The following PPARA variants were observed in gnomAD, a reference collection of about 807,000 sequenced individuals.
PPARA encodes peroxisome proliferator-activated receptor alpha.
A neutral mutation model predicts 42.2 loss-of-function variants in PPARA; 22 were observed. The observed-to-expected ratio is 0.52, with a 90% CI of 0.37 to 0.74. The LOEUF is 0.74. PPARA is among the 30% of genes least tolerant of loss of function. The probability of loss-of-function intolerance (pLI) is 0.00; values close to 1 mark genes in which losing one functional copy is unlikely to be tolerated. For synonymous variants in PPARA, 242 were observed against 239.3 expected, an observed-to-expected ratio of 1.01 and a Z score of -0.10; for missense variants, 465 against 608.2, an observed-to-expected ratio of 0.76 and a Z score of 2.48.
Position 46,221,734 on chromosome 22 carries a change from G to A in PPARA, c.711+1720G>A, listed in dbSNP as rs917158823. ...GAATGGCGTGAACCCAGGAGGCAGA[G>A]CTTGCAGTGAGCCGAGATCGTGCCA... On this transcript the variant is annotated intron_variant, in intron 7 of 8. Coordinates refer to ENST00000407236, the MANE Select transcript of PPARA (RefSeq NM_005036.6). This position sits in a 1 kb window ranked among gnomAD's most constrained non-coding sequence, Gnocchi z 5.9. 1.3e-5 allele frequency among the ~76,000 whole-genome samples: 2 copies of A among 152,106 alleles called. No homozygotes were observed. Among genetic ancestry groups the A allele is most frequent in the Admixed American group, 6.6e-5 (1 of 15,266 alleles).
intron 2 of PPARA, among the ~76,000 whole-genome samples, chr22:46,169,750 A>G (rs1290808477): frequency 6.6e-6 from 1 of 152,086 alleles, no homozygotes; most frequent in Non-Finnish European, 1.5e-5. Flanking sequence ...TATGTTATTA[A>G]GAGAGCTTAA....
In PPARA at chr22:46,219,026, G is replaced by A. The variant is rs1601787397; in HGVS notation, c.508+625G>A. Reference sequence around the variant, plus strand: ...AAAATACAAAAATTAGCTGGGCATGGTAGTGCACACCTGTAATCCCAGCTA... The same window carrying A: ...AAAATACAAAAATTAGCTGGGCATGATAGTGCACACCTGTAATCCCAGCTA... On this transcript the variant is annotated intron_variant, in intron 6 of 8. Transcript: ENST00000407236. This position sits in a 1 kb window ranked among gnomAD's most constrained non-coding sequence, Gnocchi z 4.8. Among the ~76,000 whole-genome samples the A allele has an allele frequency of 6.6e-6, 1 of 150,600 alleles. No individual in the cohort carries two copies. The highest frequency in any genetic ancestry group is 2.4e-5 in the African/African-American group (1 of 40,930).
rs143601029 is a variant in PPARA at position 46,192,441 on chromosome 22, G to A, written c.-42-5901G>A. On this transcript the variant is annotated intron_variant, in intron 3 of 8. Coordinates refer to ENST00000407236, the MANE Select transcript of PPARA (RefSeq NM_005036.6). This position sits in a 1 kb window ranked among gnomAD's most constrained non-coding sequence, Gnocchi z 4.3. ...CAGTGTTTGCACCTGCCCTGTGCTC[G>A]GGTAACATAAAACAGTGATATAATT... is the stretch of plus-strand genomic sequence containing the variant. Among the ~76,000 whole-genome samples, 1,088 of 152,264 alleles carry A rather than the reference G, an allele frequency of 7.1e-3. 17 individuals carry two copies. The highest frequency in any genetic ancestry group is 0.025 in the African/African-American group (1,052 of 41,524).
At chr22:46,174,234 G>T (rs1928602235) in intron 2 of PPARA, among the ~76,000 whole-genome samples, 1 of 2,056 alleles carries the variant, frequency 4.9e-4, no homozygotes, top group South Asian at 0.021. Context: ...AAGAAAGAGA[G>T]AGAGAAAGAA....
rs1448227319 is a variant in PPARA at position 46,165,413 on chromosome 22, G to A, written c.-126-11340G>A. The A allele has an allele frequency of 6.6e-6, 1 of 152,236 alleles. No individual in the cohort carries two copies. Among genetic ancestry groups the A allele is most frequent in the African/African-American group, 2.4e-5 (1 of 41,468 alleles). The allele number at this position is 152,236 out of a possible 1,614,324, so 9.4% of individuals were successfully genotyped here. On this transcript the variant is annotated intron_variant, in intron 2 of 8. Coordinates refer to ENST00000407236, the MANE Select transcript of PPARA (RefSeq NM_005036.6). The surrounding 1 kb of genome is among the most constrained non-coding windows in gnomAD (Gnocchi z 5.5). ...AGGTGGACAGAATCTTTAAACATAT[G>A]TGGAGGAATTGGAGAGTTTACAAGA...
chr22:46,198,692 G>T (rs552336758), intron 4 of PPARA, 101 bp downstream of exon 4: 9 of 1,186,378 alleles, frequency 7.6e-6, no homozygotes, highest in African/African-American at 3.6e-5. Flanking sequence ...ACGGAGTCTC[G>T]CTCTGTCGCC....
At chr22:46,186,818 A>G (rs1010170433) in intron 3 of PPARA, among the ~76,000 whole-genome samples, 1 of 152,120 alleles carries the variant, frequency 6.6e-6, no homozygotes, top group Non-Finnish European at 1.5e-5. Context: ...CCCACAGTGG[A>G]TACCTGAAGC....
Position 46,212,593 on chromosome 22 carries a change from A to G in PPARA, c.209-2580A>G, listed in dbSNP as rs1162736924. On this transcript the variant is annotated intron_variant, in intron 4 of 8. Coordinates refer to ENST00000407236, the MANE Select transcript of PPARA (RefSeq NM_005036.6). This position sits in a 1 kb window ranked among gnomAD's most constrained non-coding sequence, Gnocchi z 4.2. Reference sequence around the variant, plus strand: ...GTCATCCATGTCTTTCCATGGCTTGATATCTCATTTCTTTTTACACTGAAT... The same window carrying G: ...GTCATCCATGTCTTTCCATGGCTTGGTATCTCATTTCTTTTTACACTGAAT... Among the ~76,000 whole-genome samples, 3 of 152,136 alleles carry G rather than the reference A, an allele frequency of 2.0e-5. No individual in the cohort carries two copies. Among genetic ancestry groups the G allele is most frequent in the African/African-American group, 7.2e-5 (3 of 41,422 alleles).
At position 46,184,521 on chromosome 22, in the gene PPARA, T is replaced by A. The variant is rs1373247977; in HGVS notation, c.-43+7685T>A. ...CAGTTTCCTCCCATATTTAGAAGGT[T>A]TCCAACTGTTATCTTTCACTTCCCA... is the stretch of plus-strand genomic sequence containing the variant. On this transcript the variant is annotated intron_variant, in intron 3 of 8. Coordinates refer to ENST00000407236, the MANE Select transcript of PPARA (RefSeq NM_005036.6). This position sits in a 1 kb window ranked among gnomAD's most constrained non-coding sequence, Gnocchi z 4.4. 4.6e-5 allele frequency among the ~76,000 whole-genome samples: 7 copies of A among 152,170 alleles called. No homozygotes were observed. Among genetic ancestry groups the A allele is most frequent in the Admixed American group, 4.6e-4 (7 of 15,274 alleles).
chr22:46,206,444 A>G (rs1933318420), intron 4 of PPARA, among the ~76,000 whole-genome samples: 1 of 152,022 alleles, frequency 6.6e-6, no homozygotes, highest in Non-Finnish European at 1.5e-5. Flanking sequence ...ATTCCACTTT[A>G]TCTCCTTTGT....
In PPARA at chr22:46,173,238, A is replaced by G. The variant is rs1210234558; in HGVS notation, c.-126-3515A>G. Among the ~76,000 whole-genome samples the G allele has an allele frequency of 2.0e-5, 3 of 152,174 alleles. No individual in the cohort carries two copies. The highest frequency in any genetic ancestry group is 6.5e-5 in the Admixed American group (1 of 15,286). On this transcript the variant is annotated intron_variant, in intron 2 of 8. Coordinates refer to ENST00000407236, the MANE Select transcript of PPARA (RefSeq NM_005036.6). The surrounding 1 kb of genome is among the most constrained non-coding windows in gnomAD (Gnocchi z 4.3). ...TTATTTGGGGATTTACAAAACAGTT[A>G]TGTTTTTAGTTTTCTTTTATTTGTT... is the stretch of plus-strand genomic sequence containing the variant.
Position 46,235,407 on chromosome 22 carries a change from C to G in PPARA, c.*27C>G. ...TTCCTTCAGATCAGCCACACCTTTT[C>G]CAGGAGTTCTGAAGCTGACAGCACT... is the stretch of plus-strand genomic sequence containing the variant. On this transcript the variant is annotated 3_prime_UTR_variant, in exon 9 of 9. Coordinates refer to ENST00000407236, the MANE Select transcript of PPARA (RefSeq NM_005036.6). This position sits in a 1 kb window ranked among gnomAD's most constrained non-coding sequence, Gnocchi z 7.0. 1 of 1,611,018 alleles carries G rather than the reference C, an allele frequency of 6.2e-7. No individual in the cohort carries two copies. The highest frequency in any genetic ancestry group is 8.5e-7 in the Non-Finnish European group (1 of 1,179,116).
At position 46,221,388 on chromosome 22, in the gene PPARA, C is replaced by T. The variant is rs925639200; in HGVS notation, c.711+1374C>T. Among the ~76,000 whole-genome samples the T allele has an allele frequency of 5.3e-5, 8 of 152,202 alleles. No individual in the cohort carries two copies. The highest frequency in any genetic ancestry group is 3.3e-4 in the Admixed American group (5 of 15,276). On this transcript the variant is annotated intron_variant, in intron 7 of 8. Coordinates refer to ENST00000407236, the MANE Select transcript of PPARA (RefSeq NM_005036.6). This position sits in a 1 kb window ranked among gnomAD's most constrained non-coding sequence, Gnocchi z 5.9. ...CTAGAAAAGGAAACCACTTACTTCCCACTCAAAATGTGCTCTTGGTCCTTT... is the reference window on the plus strand; with the variant it reads ...CTAGAAAAGGAAACCACTTACTTCCTACTCAAAATGTGCTCTTGGTCCTTT...
intron 4 of PPARA, among the ~76,000 whole-genome samples, chr22:46,205,244 G>A (rs1933114102): frequency 1.3e-5 from 2 of 150,822 alleles, no homozygotes; most frequent in Admixed American, 1.3e-4. Context: ...TTGAGAGAGG[G>A]TCTCACCCTG....
In PPARA at chr22:46,200,938, G is replaced by A. The variant is rs953032060; in HGVS notation, c.208+2347G>A. Among the ~76,000 whole-genome samples, 2 of 151,592 alleles carry A rather than the reference G, an allele frequency of 1.3e-5. No homozygotes were observed. The highest frequency in any genetic ancestry group is 2.9e-5 in the Non-Finnish European group (2 of 67,908). ...GACTCCATCTCAAAAAAAAGTTGGGGCGTGGTGGCTCATGCCTGTAATCCC... is the reference window on the plus strand; with the variant it reads ...GACTCCATCTCAAAAAAAAGTTGGGACGTGGTGGCTCATGCCTGTAATCCC... On this transcript the variant is annotated intron_variant, in intron 4 of 8. Transcript: ENST00000407236. The surrounding 1 kb of genome is among the most constrained non-coding windows in gnomAD (Gnocchi z 4.8).
chr22:46,174,751 A>G (rs1345696993), intron 2 of PPARA, among the ~76,000 whole-genome samples: 1 of 152,222 alleles, frequency 6.6e-6, no homozygotes, highest in East Asian at 1.9e-4. Flanking sequence ...TGGGAGTTCG[A>G]GGCTGCAGTG....
chr22:46,235,300 C>A lies in PPARA; in HGVS notation c.1327C>A (p.Leu443Met). 1.9e-6 allele frequency: 3 copies of A among 1,614,120 alleles called. No individual in the cohort carries two copies. The highest frequency in any genetic ancestry group is 2.5e-6 in the Non-Finnish European group (3 of 1,180,050). ...LRQLVTEHAQ[L>M]VQIIKKTESD... Reference sequence around the variant, plus strand: ...GCAGCTGGTGACGGAGCATGCGCAGCTGGTGCAGATCATCAAGAAGACGGA... The same window carrying A: ...GCAGCTGGTGACGGAGCATGCGCAGATGGTGCAGATCATCAAGAAGACGGA... Residue 443 changes from leucine (L) to methionine (M), a missense_variant, in exon 9 of 9, where the codon CTG becomes ATG. Physicochemically the swap from Leu to Met is conservative, Grantham distance 15. This residue lies in a region of PPARA where 313 missense variants were observed against 469.1 expected (regional missense o/e 0.67). Transcript: ENST00000407236. The surrounding 1 kb of genome is among the most constrained non-coding windows in gnomAD (Gnocchi z 7.0).
In PPARA at chr22:46,200,381, C is replaced by A. The variant is rs1178688674; in HGVS notation, c.208+1790C>A. 6.6e-6 allele frequency among the ~76,000 whole-genome samples: 1 copy of A among 152,262 alleles called. No individual in the cohort carries two copies. The highest frequency in any genetic ancestry group is 1.5e-5 in the Non-Finnish European group (1 of 68,046). ...TGCACACCGAGGCTCTGCGGTGCAG[C>A]CTGTTGCTCCAAGGCACGCACCTGT... On this transcript the variant is annotated intron_variant, in intron 4 of 8. Coordinates refer to ENST00000407236, the MANE Select transcript of PPARA (RefSeq NM_005036.6). This position sits in a 1 kb window ranked among gnomAD's most constrained non-coding sequence, Gnocchi z 4.8.
At position 46,210,627 on chromosome 22, in the gene PPARA, A is replaced by G. The variant is rs555246389; in HGVS notation, c.209-4546A>G. On this transcript the variant is annotated intron_variant, in intron 4 of 8. Coordinates refer to ENST00000407236, the MANE Select transcript of PPARA (RefSeq NM_005036.6). ...CCAGATAATTTTTTGTATTTTTAGC[A>G]GAGACGGGGTTTCACCATGATGGCC... Among the ~76,000 whole-genome samples the G allele has an allele frequency of 4.6e-5, 7 of 152,136 alleles. No individual in the cohort carries two copies. The South Asian group carries it at 1.2e-3, about 27-fold the overall frequency.
Sources: gnomAD v4.1 joint callset for allele counts (sites outside exome capture counted in the v4.1 genomes callset) on GRCh38, gnomAD v4.1.1 for gene constraint, gnomAD v4.1.1 regional missense constraint, Gnocchi (gnomAD v3.1) non-coding constraint, MANE v1.5 for transcripts, NCBI Gene and HGNC (gene_info 2026-07-23, HGNC 2026-07-21) for gene names.